COMMD1: variants seen among roughly 807,000 people sequenced by gnomAD.
The protein encoded by COMMD1 is copper metabolism domain containing 1, also known as COMM domain-containing protein 1.
COMMD1 carries 10 observed loss-of-function variants against 17.2 expected under a neutral mutation model. That is an observed-to-expected ratio of 0.58 (90% CI 0.36 to 0.99). The LOEUF is 0.99. Among genes scored for constraint, COMMD1 ranks in the 50% least tolerant of loss-of-function variants. The pLI, the probability that COMMD1 is intolerant of heterozygous loss-of-function variation, is 0.01. For missense variants in COMMD1, 270 were observed against 231.8 expected, an observed-to-expected ratio of 1.17 and a Z score of -1.07; for synonymous variants, 97 against 91.6, an observed-to-expected ratio of 1.06 and a Z score of -0.34.
intron 2 of COMMD1, among the ~76,000 whole-genome samples, chr2:62,057,993 C>T (rs987862447): frequency 4.6e-5 from 7 of 151,998 alleles, no homozygotes; most frequent in African/African-American, 1.5e-4. Flanking sequence ...TAAAATATTA[C>T]GTTAAATTTC....
chr2:62,061,668 G>A (rs776911533), intron 2 of COMMD1, among the ~76,000 whole-genome samples: 3 of 149,504 alleles, frequency 2.0e-5, no homozygotes, highest in Non-Finnish European at 3.0e-5. Flanking sequence ...CGATTCTCCT[G>A]CCTCAGCCTC....
intron 2 of COMMD1, among the ~76,000 whole-genome samples, chr2:62,013,923 G>A (rs2103837932): frequency 6.6e-6 from 1 of 152,296 alleles, no homozygotes; most frequent in East Asian, 1.9e-4. Flanking sequence ...TGTTGTTTGT[G>A]CTGAAGTAAT....
intron 2 of COMMD1, among the ~76,000 whole-genome samples, chr2:62,014,525 A>C (rs954816000): frequency 2.0e-5 from 3 of 146,894 alleles, no homozygotes; most frequent in African/African-American, 7.8e-5. Context: ...CACATAACAA[A>C]ATTTTACCAT....
intron 2 of COMMD1, among the ~76,000 whole-genome samples, chr2:62,015,737 G>C (rs370516753): frequency 7.0e-6 from 1 of 143,058 alleles, no homozygotes. Flanking sequence ...GTTGTCATCC[G>C]AATGTATATA....
intron 1 of COMMD1, among the ~76,000 whole-genome samples, chr2:61,955,469 G>C (rs769821965): frequency 6.6e-6 from 1 of 152,036 alleles, no homozygotes; most frequent in Admixed American, 6.6e-5. Context: ...TAAGTTTTCA[G>C]TTTTGATGAA....
intron 2 of COMMD1, among the ~76,000 whole-genome samples, chr2:62,063,488 C>T (rs1327319205): frequency 2.0e-5 from 3 of 152,080 alleles, no homozygotes; most frequent in Non-Finnish European, 4.4e-5. Flanking sequence ...CCGCACCTGG[C>T]TTAATATTTC....
chr2:62,041,477 C>G (rs948736810), intron 2 of COMMD1, among the ~76,000 whole-genome samples: 1 of 152,166 alleles, frequency 6.6e-6, no homozygotes, highest in Non-Finnish European at 1.5e-5. Context: ...GCTATCATAG[C>G]TCACTGCAGC....
chr2:62,126,815 G>T (rs900424621), intron 2 of COMMD1, among the ~76,000 whole-genome samples: 1 of 152,096 alleles, frequency 6.6e-6, no homozygotes, highest in African/African-American at 2.4e-5. Context: ...TTGAAAACCG[G>T]CATAAGACAG....
chr2:61,970,130 C>T lies in COMMD1; in HGVS notation c.181-30571C>T, dbSNP rs183200062. ...AAAATTAGCTGGGTGTGGTGGTGGG[C>T]GCGTGTAATCTTAGCTACTTGGGAG... On this transcript the variant is annotated intron_variant, in intron 1 of 2. Coordinates refer to ENST00000311832, the MANE Select transcript of COMMD1 (RefSeq NM_152516.4). Among the ~76,000 whole-genome samples the T allele has an allele frequency of 2.4e-4, 37 of 151,570 alleles. No homozygotes were observed. The East Asian group carries it at 4.8e-3, about 20-fold the overall frequency.
At chr2:61,988,680 G>A (rs1297257500) in intron 1 of COMMD1, among the ~76,000 whole-genome samples, 1 of 152,184 alleles carries the variant, frequency 6.6e-6, no homozygotes, top group Non-Finnish European at 1.5e-5. Context: ...GACTCACTAT[G>A]TCATGTGTCC....
intron 1 of COMMD1, among the ~76,000 whole-genome samples, chr2:61,944,452 A>G (rs1017322313): frequency 6.6e-6 from 1 of 151,704 alleles, no homozygotes; most frequent in African/African-American, 2.4e-5. Flanking sequence ...CTCTGTCTCA[A>G]AAAAAAAGAA....
Position 61,905,700 on chromosome 2 carries a change from G to A in COMMD1, c.22G>A (p.Gly8Ser). The change falls in exon 1 of 3, where the codon GGT becomes AGT. Residue 8 changes from glycine (G) to serine (S), a missense_variant. By Grantham distance (56) the Gly-to-Ser change is moderately conservative. Coordinates refer to ENST00000311832, the MANE Select transcript of COMMD1 (RefSeq NM_152516.4). MAAGELE[G>S]GKPLSGLLNA... ...GAGCATGGCGGCGGGCGAGCTTGAG[G>A]GTGGCAAACCCCTGAGCGGGCTGCT... 3 of 1,583,532 alleles carry A rather than the reference G, an allele frequency of 1.9e-6. No homozygotes were observed. The highest frequency in any genetic ancestry group is 2.3e-5 in the South Asian group (2 of 88,214).
At chr2:61,964,117 C>G (rs982150023) in intron 1 of COMMD1, among the ~76,000 whole-genome samples, 1 of 152,208 alleles carries the variant, frequency 6.6e-6, no homozygotes, top group Non-Finnish European at 1.5e-5. Flanking sequence ...TGGAGTTATC[C>G]AGTGGGAATT....
intron 1 of COMMD1, among the ~76,000 whole-genome samples, chr2:61,979,549 C>G (rs1671899266): frequency 6.6e-6 from 1 of 152,068 alleles, no homozygotes; most frequent in African/African-American, 2.4e-5. Flanking sequence ...CCAAAAGAAA[C>G]AAAATCAGGA....
intron 2 of COMMD1, among the ~76,000 whole-genome samples, chr2:62,035,579 A>G (rs1380820652): frequency 6.6e-6 from 1 of 151,844 alleles, no homozygotes; most frequent in African/African-American, 2.4e-5. Flanking sequence ...TCTCTACAAA[A>G]AATACAAAAA....
chr2:61,922,129 G>A (rs1004095220), intron 1 of COMMD1, among the ~76,000 whole-genome samples: 1 of 152,122 alleles, frequency 6.6e-6, no homozygotes, highest in African/African-American at 2.4e-5. Flanking sequence ...ATAATGTTTT[G>A]TGTTATGATA....
At chr2:62,071,241 G>T (rs1040900560) in intron 2 of COMMD1, among the ~76,000 whole-genome samples, 3 of 152,178 alleles carry the variant, frequency 2.0e-5, no homozygotes, top group African/African-American at 7.2e-5. Context: ...GTTGCCATGG[G>T]ATTTGTAAGC....
chr2:61,990,901 T>C (rs62149911), intron 1 of COMMD1, among the ~76,000 whole-genome samples: 1,732 of 42,604 alleles, frequency 0.041, 8 homozygotes, highest in Middle Eastern at 0.11. Flanking sequence ...AATATATATA[T>C]ATACACACAC....
intron 2 of COMMD1, among the ~76,000 whole-genome samples, chr2:62,078,450 G>GCCTGTAATCCCA (rs1252789119): frequency 5.3e-5 from 8 of 150,118 alleles, no homozygotes; most frequent in African/African-American, 2.0e-4. Context: ...CCACTCGGGA[G>GCCTGTAATCCCA]GCTGAGGCAG....
Sources: allele counts gnomAD v4.1 joint callset (sites outside exome capture counted in the v4.1 genomes callset), GRCh38; gene constraint gnomAD v4.1.1; transcripts MANE v1.5; gene names NCBI Gene and HGNC (gene_info 2026-07-23, HGNC 2026-07-21).